HEPHL1: variants seen among roughly 807,000 people sequenced by gnomAD.
The protein encoded by HEPHL1 is ferroxidase HEPHL1.
Under a neutral mutation model 122.0 loss-of-function variants are expected in HEPHL1, and 123 were observed. The ratio of observed to expected loss-of-function variants is 1.01; its 90% CI spans 0.87 to 1.17. The LOEUF (loss-of-function observed/expected upper bound fraction) is 1.17, where lower values mean the gene tolerates loss of function less well. Among genes scored for constraint, HEPHL1 ranks in the 50% most tolerant of loss-of-function variants. The probability of loss-of-function intolerance (pLI) is 0.00; values close to 1 mark genes in which losing one functional copy is unlikely to be tolerated. For synonymous variants in HEPHL1, 527 were observed against 508.9 expected, an observed-to-expected ratio of 1.04 and a Z score of -0.48; for missense variants, 1,452 against 1,430.5, an observed-to-expected ratio of 1.01 and a Z score of -0.24.
intron 13 of HEPHL1, among the ~76,000 whole-genome samples, chr11:94,094,013 T>TAAAAAA (rs1357060385): frequency 8.2e-6 from 1 of 121,690 alleles, no homozygotes; most frequent in African/African-American, 3.8e-5. Context: ...TATATATATA[T>TAAAAAA]AAAACTTTAA....
At position 94,073,300 on chromosome 11, in the gene HEPHL1, T is replaced by C; in HGVS notation, c.1373-8T>C. 6.2e-7 allele frequency: 1 copy of C among 1,610,106 alleles called. No individual in the cohort carries two copies. Among genetic ancestry groups the C allele is most frequent in the Non-Finnish European group, 8.5e-7 (1 of 1,178,098 alleles). On this transcript the variant is annotated splice_region_variant and splice_polypyrimidine_tract_variant and intron_variant, in intron 7 of 19. Coordinates refer to ENST00000315765, the MANE Select transcript of HEPHL1 (RefSeq NM_001098672.2). ...CTCTTCTCTCTCTTCTTCTGGATAT[T>C]TTTTCAGGCCCAGTCATCAAGGCAG... is the stretch of plus-strand genomic sequence containing the variant.
At chr11:94,079,499 C>T (rs1401186) in intron 9 of HEPHL1, among the ~76,000 whole-genome samples, 13 of 152,036 alleles carry the variant, frequency 8.6e-5, no homozygotes, top group South Asian at 6.2e-4. Context: ...GAATAGTAGG[C>T]GCAAGGAGTA....
At chr11:94,111,118 C>G in intron 18 of HEPHL1, 53 bp downstream of exon 18, 2 of 1,467,756 alleles carry the variant, frequency 1.4e-6, no homozygotes, top group South Asian at 1.3e-5. Context: ...TCCTGTAGAC[C>G]CCCAAAACAG....
Position 94,094,005 on chromosome 11 carries a change from TATATATATAA to T in HEPHL1, c.2434+367_2434+376del, listed in dbSNP as rs1463250908. ...ATATATATATATATATATATATATATATATATATAAAACTTTAAGTTCTAGGGTACATGTG... is the reference window on the plus strand; with the variant it reads ...ATATATATATATATATATATATATATAACTTTAAGTTCTAGGGTACATGTG... On this transcript the variant is annotated intron_variant, in intron 13 of 19. Coordinates refer to ENST00000315765, the MANE Select transcript of HEPHL1 (RefSeq NM_001098672.2). Among the ~76,000 whole-genome samples, 343 of 111,052 alleles carry T rather than the reference TATATATATAA, an allele frequency of 3.1e-3. 8 individuals carry two copies. Among genetic ancestry groups the T allele is most frequent in the African/African-American group, 0.014 (333 of 23,224 alleles). The allele number at this position is 111,052 out of a possible 152,430, so 72.9% of individuals were successfully genotyped here. A position where few individuals can be genotyped will look rare whatever the true frequency, so the allele number is the denominator to read the frequency against.
rs776147149 is a variant in HEPHL1 at position 94,064,518 on chromosome 11, C to A, written c.808+8C>A. The A allele has an allele frequency of 8.1e-6, 13 of 1,601,480 alleles. No homozygotes were observed. In the Admixed American group the frequency reaches 1.7e-4, roughly 21 times the overall value. On this transcript the variant is annotated splice_region_variant and intron_variant, in intron 4 of 19. Transcript: ENST00000315765. The stretch of plus-strand genomic sequence containing the variant: ...GGAGTAACAAAATGCATGGTGAGTA[C>A]CTCCCATGTTCCCAAACGTATACCA...
Position 94,073,046 on chromosome 11 carries a change from A to T in HEPHL1, c.1254A>T (p.Thr418=), listed in dbSNP as rs778144801. The T allele has an allele frequency of 6.2e-7, 1 of 1,612,716 alleles. No individual in the cohort carries two copies. The highest frequency in any genetic ancestry group is 8.5e-7 in the Non-Finnish European group (1 of 1,179,154). The part of the protein sequence containing the change: ...ASGSDSDLYF[T]QGDNRIGGKY... Reference sequence around the variant, plus strand: ...TCAGTGACTCTGATCTCTACTTCACACAAGGGGACAACAGAATAGGAGGAA... The same window carrying T: ...TCAGTGACTCTGATCTCTACTTCACTCAAGGGGACAACAGAATAGGAGGAA... Residue 418 remains threonine (T), a synonymous_variant, in exon 7 of 20, where the codon ACA becomes ACT. Transcript: ENST00000315765.
intron 1 of HEPHL1, 149 bp from the exon 2 acceptor site, chr11:94,045,524 G>A: frequency 1.6e-6 from 1 of 641,062 alleles, no homozygotes; most frequent in Non-Finnish European, 2.6e-6. Context: ...AGTAAATTGA[G>A]GATAATCTTC....
intron 13 of HEPHL1, among the ~76,000 whole-genome samples, chr11:94,094,263 C>T (rs1946291256): frequency 6.6e-6 from 1 of 151,366 alleles, no homozygotes; most frequent in Non-Finnish European, 1.5e-5. Flanking sequence ...GTTTTTTGTC[C>T]TTGCGATAGT....
chr11:94,063,816 C>A, intron 3 of HEPHL1, 96 bp downstream of exon 3: 2 of 987,718 alleles, frequency 2.0e-6, no homozygotes, highest in Non-Finnish European at 3.2e-6. Context: ...CAGAATGTGC[C>A]TCTTCCAAAT....
At chr11:94,076,782 G>A (rs1434498026) in intron 9 of HEPHL1, among the ~76,000 whole-genome samples, 2 of 152,106 alleles carry the variant, frequency 1.3e-5, no homozygotes, top group African/African-American at 4.8e-5. Flanking sequence ...GTGGAGAGAT[G>A]AAAATGGGAA....
intron 13 of HEPHL1, among the ~76,000 whole-genome samples, chr11:94,100,768 A>G (rs1946361402): frequency 6.6e-6 from 1 of 152,220 alleles, no homozygotes; most frequent in Admixed American, 6.5e-5. Context: ...TCATGTGGAT[A>G]TGGCTTTTCC....
At chr11:94,100,833 A>T (rs1482206029) in intron 13 of HEPHL1, among the ~76,000 whole-genome samples, 1 of 152,176 alleles carries the variant, frequency 6.6e-6, no homozygotes, top group Non-Finnish European at 1.5e-5. Context: ...ATGGTGTATC[A>T]GTGCACTGAA....
At chr11:94,048,811 G>A (rs1268367197) in intron 2 of HEPHL1, among the ~76,000 whole-genome samples, 1 of 152,108 alleles carries the variant, frequency 6.6e-6, no homozygotes, top group Non-Finnish European at 1.5e-5. Context: ...TCAGAAGTGT[G>A]TTGGTTTATC....
At chr11:94,077,578 A>T (rs910262064) in intron 9 of HEPHL1, among the ~76,000 whole-genome samples, 2 of 152,184 alleles carry the variant, frequency 1.3e-5, no homozygotes, top group African/African-American at 4.8e-5. Flanking sequence ...AATTAAGGTG[A>T]CTATAGTCAC....
chr11:94,110,515 G>T (rs1217934587), intron 17 of HEPHL1, among the ~76,000 whole-genome samples: 1 of 152,184 alleles, frequency 6.6e-6, no homozygotes, highest in African/African-American at 2.4e-5. Context: ...AGAAGAGGGT[G>T]ACAGAGTATC....
At chr11:94,099,012 T>G (rs967073997) in intron 13 of HEPHL1, among the ~76,000 whole-genome samples, 4 of 152,246 alleles carry the variant, frequency 2.6e-5, no homozygotes, top group Admixed American at 6.5e-5. Context: ...TTCTCTCAAC[T>G]CGTCAAAGTC....
chr11:94,022,923 G>C (rs1369902629), intron 1 of HEPHL1, among the ~76,000 whole-genome samples: 1 of 152,210 alleles, frequency 6.6e-6, no homozygotes, highest in Admixed American at 6.5e-5. Flanking sequence ...AATGAATATA[G>C]CGTTTAAGCT....
intron 10 of HEPHL1, 22 bp from the exon 11 acceptor site, chr11:94,085,955 C>T: frequency 1.9e-6 from 3 of 1,586,050 alleles, no homozygotes; most frequent in East Asian, 2.2e-5. Context: ...TAATTTTTCA[C>T]CGTCTTTCTT....
intron 1 of HEPHL1, among the ~76,000 whole-genome samples, chr11:94,035,423 T>C (rs1457084145): frequency 6.6e-6 from 1 of 152,230 alleles, no homozygotes; most frequent in Non-Finnish European, 1.5e-5. Context: ...GTCAGCAGAA[T>C]GGCTTTCAAG....
Sources: gnomAD v4.1 joint callset for allele counts (sites outside exome capture counted in the v4.1 genomes callset) on GRCh38, gnomAD v4.1.1 for gene constraint, MANE v1.5 for transcripts, NCBI Gene and HGNC (gene_info 2026-07-23, HGNC 2026-07-21) for gene names.